Variants in FDXACB1 observed in about 807,000 individuals in gnomAD.
The protein encoded by FDXACB1 is ferredoxin-fold anticodon-binding domain-containing protein 1.
Under a neutral mutation model 51.7 loss-of-function variants are expected in FDXACB1, and 41 were observed. The ratio of observed to expected loss-of-function variants is 0.79; its 90% confidence interval spans 0.62 to 1.03. FDXACB1 has a LOEUF of 1.03. Among genes scored for constraint, FDXACB1 ranks in the 50% least tolerant of loss-of-function variants. The pLI, the probability that FDXACB1 is intolerant of heterozygous loss-of-function variation, is 0.00. For missense variants in FDXACB1, 697 were observed against 746.4 expected (o/e 0.93, Z 0.77); for synonymous variants, 273 against 278.6 (o/e 0.98, Z 0.20).
chr11:111,877,488 A>G (rs1964839587), intron 2 of FDXACB1, among the ~76,000 whole-genome samples: 1 of 151,102 alleles, frequency 6.6e-6, no homozygotes, highest in African/African-American at 2.4e-5. Context: ...TCAGTTCACA[A>G]TAATTTTATG....
At chr11:111,878,214 TA>T (rs1297054303) in intron 2 of FDXACB1, among the ~76,000 whole-genome samples, 5 of 151,910 alleles carry the variant, frequency 3.3e-5, no homozygotes, top group African/African-American at 1.2e-4. Context: ...TAAATAAAAA[TA>T]AAAAAATAAC....
rs782188535 is a variant in FDXACB1 at position 111,875,620 on chromosome 11, T to C, written c.1177A>G (p.Thr393Ala). 3.7e-6 allele frequency: 6 copies of C among 1,612,900 alleles called. No individual in the cohort carries two copies. Among genetic ancestry groups the C allele is most frequent in the Non-Finnish European group, 5.1e-6 (6 of 1,179,766 alleles). Residue 393 changes from threonine (T) to alanine (A), a missense_variant, in exon 5 of 5, where the codon ACT becomes GCT. Around this residue, in one of 3 missense-constraint regions of FDXACB1, gnomAD observed 538 missense variants for 592.2 expected, o/e 0.91. Coordinates refer to ENST00000260257, the MANE Select transcript of FDXACB1 (RefSeq NM_138378.3). ...LPFTMPAFHE[T>A]LFILGVNQNL... is the part of the protein sequence containing the mutation. ...TGATTAACCCCAAGGATAAATAAAG[T>C]TTCATGAAATGCTGGCATTGTGAAA...
In FDXACB1 at chr11:111,875,119, G is replaced by A. The variant is rs373615647; in HGVS notation, c.1678C>T (p.Arg560Ter). 80 of 1,613,682 alleles carry A rather than the reference G, an allele frequency of 5.0e-5. No homozygotes were observed. The highest frequency in any genetic ancestry group is 4.9e-4 in the Middle Eastern group (3 of 6,084). Reference protein sequence around the residue: ...FDELEFHTVARAVSQDTIISI... With the variant: ...FDELEFHTVA Reference sequence around the variant, plus strand: ...ATAATAGTGTCCTGAGACACTGCTCGGGCCACAGTGTGAAACTCTAGTTCA... The same window carrying A: ...ATAATAGTGTCCTGAGACACTGCTCAGGCCACAGTGTGAAACTCTAGTTCA... The change falls in exon 5 of 5, where the codon CGA becomes TGA. Residue 560 changes from arginine to a stop codon, truncating the protein, a stop_gained. Transcript: ENST00000260257. LOFTEE classifies it high-confidence loss of function.
In FDXACB1 at chr11:111,874,208, A is replaced by AATT. The variant is rs1434494285; in HGVS notation, c.*713_*714insAAT. 2.0e-5 allele frequency: 3 copies of AATT among 152,198 alleles called. No individual in the cohort carries two copies. The highest frequency in any genetic ancestry group is 7.2e-5 in the African/African-American group (3 of 41,440). 9.4% of individuals were successfully genotyped at this position (152,198 alleles called of 1,614,324 possible). A position where few individuals can be genotyped will look rare whatever the true frequency, so the allele number is the denominator to read the frequency against. ...GTCTGATGCCAAAAACTACTCTCAT[A>AATT]AGGTGATTTAATGAAATGATACAAC... is the stretch of plus-strand genomic sequence containing the variant. On this transcript the variant is annotated 3_prime_UTR_variant, in exon 5 of 5. Coordinates refer to ENST00000260257, the MANE Select transcript of FDXACB1 (RefSeq NM_138378.3).
chr11:111,879,123 G>A lies in FDXACB1; in HGVS notation c.10C>T (p.Arg4Trp), dbSNP rs199757538. MAP[R>W]RLLLVGEGNF... ...CCCTCCCCAACCAACAGGAGGCGCCGAGGGGCCATGGCCTCCACGGACTCC... is the reference window on the plus strand; with the variant it reads ...CCCTCCCCAACCAACAGGAGGCGCCAAGGGGCCATGGCCTCCACGGACTCC... Residue 4 changes from arginine (R) to tryptophan (W), a missense_variant, in exon 1 of 5, where the codon CGG (arginine) becomes TGG (tryptophan). Physicochemically the swap from Arg to Trp is moderately radical, Grantham distance 101. Transcript: ENST00000260257. 3 of 1,612,058 alleles carry A rather than the reference G, an allele frequency of 1.9e-6. No homozygotes were observed. The highest frequency in any genetic ancestry group is 1.7e-6 in the Non-Finnish European group (2 of 1,178,848).
chr11:111,878,829 C>T (rs1964880286), intron 1 of FDXACB1, 117 bp from the exon 2 acceptor site: 6 of 1,505,394 alleles, frequency 4.0e-6, no homozygotes, highest in African/African-American at 1.4e-5. Flanking sequence ...GGCACAAAGC[C>T]GGCTTTATGT....
In FDXACB1 at chr11:111,875,013, C is replaced by T; in HGVS notation, c.1784G>A (p.Cys595Tyr). Residue 595 changes from cysteine to tyrosine, a missense_variant, in exon 5 of 5, where the codon TGT becomes TAT. Cys to Tyr is a radical substitution (Grantham distance 194). This residue lies in a region of FDXACB1 where 538 missense variants were observed against 592.2 expected (regional missense o/e 0.91). Transcript: ENST00000260257. ...TTGCTGCTGGGTGAGGGCCTTGTCA[C>T]AGGTCTGGTAGGTCAATCTATAGCA... is the stretch of plus-strand genomic sequence containing the variant. ...SLCYRLTYQTCDKALTQQQVA... is the reference protein window; with the variant it reads ...SLCYRLTYQTYDKALTQQQVA... 1 of 1,613,962 alleles carries T rather than the reference C, an allele frequency of 6.2e-7. No homozygotes were observed. Among genetic ancestry groups the T allele is most frequent in the Non-Finnish European group, 8.5e-7 (1 of 1,179,878 alleles).
intron 4 of FDXACB1, 151 bp downstream of exon 4, chr11:111,876,330 C>G: frequency 9.5e-7 from 1 of 1,055,854 alleles, no homozygotes; most frequent in Non-Finnish European, 1.4e-6. Context: ...ATTTATAATT[C>G]TAGAGATGCT....
Position 111,875,878 on chromosome 11 carries a change from T to TC in FDXACB1, c.918dup (p.Thr307AspfsTer16), listed in dbSNP as rs782556237. On this transcript the variant is annotated frameshift_variant, in exon 5 of 5. Transcript: ENST00000260257. LOFTEE classifies it high-confidence loss of function. ...AGAAAGTCTTCCACATCTTGTGATG[T>TC]CCCACCAGTCAGGGACTCAGAATTT... The TC allele has an allele frequency of 6.2e-7, 1 of 1,613,852 alleles. No homozygotes were observed. Among genetic ancestry groups the TC allele is most frequent in the Admixed American group, 1.7e-5 (1 of 60,014 alleles).
At position 111,875,313 on chromosome 11, in the gene FDXACB1, G is replaced by C. The variant is rs377348351; in HGVS notation, c.1484C>G (p.Ala495Gly). 9.3e-6 allele frequency: 15 copies of C among 1,613,704 alleles called. No homozygotes were observed. The highest frequency in any genetic ancestry group is 1.2e-5 in the Non-Finnish European group (14 of 1,179,876). ...VFVSMNLDLL[A>G]MLVWCISDWR... ...GTCAGAGATACACCAGACAAGCATG[G>C]CTAATAAGTCCAAGTTCATAGACAC... Residue 495 changes from alanine to glycine, a missense_variant, in exon 5 of 5, where the codon GCC becomes GGC. By Grantham distance (60) the Ala-to-Gly change is moderately conservative. Around this residue, in one of 3 missense-constraint regions of FDXACB1, gnomAD observed 538 missense variants for 592.2 expected, o/e 0.91. Transcript: ENST00000260257.
Position 111,875,886 on chromosome 11 carries a change from G to A in FDXACB1, c.911C>T (p.Thr304Ile), listed in dbSNP as rs782224550. The change falls in exon 5 of 5, where the codon ACT becomes ATT. Residue 304 changes from threonine (T) to isoleucine (I), a missense_variant. By Grantham distance (89) the Thr-to-Ile change is moderately conservative. Around this residue, in one of 3 missense-constraint regions of FDXACB1, gnomAD observed 538 missense variants for 592.2 expected, o/e 0.91. Transcript: ENST00000260257. Reference sequence around the variant, plus strand: ...TTCCACATCTTGTGATGTCCCACCAGTCAGGGACTCAGAATTTGAGTTATC... The same window carrying A: ...TTCCACATCTTGTGATGTCCCACCAATCAGGGACTCAGAATTTGAGTTATC... ...HEDNSNSESL[T>I]GGTSQDVEDF... The A allele has an allele frequency of 7.4e-6, 12 of 1,613,724 alleles. No individual in the cohort carries two copies. In the African/African-American group the frequency reaches 1.6e-4, roughly 22 times the overall value.
chr11:111,878,567 T>C lies in FDXACB1; in HGVS notation c.318A>G (p.Lys106=). ...GCTCCTTTCCTCACCTTTGGAAAAA[T>C]TTGGCAAGCAGTTCCCTGTTCTTAG... ...GVAKNRELLA[K]FFQSCADVLA... is the part of the protein sequence containing the mutation. The change falls in exon 2 of 5, where the codon AAA becomes AAG. Residue 106 remains lysine (K), a synonymous_variant. Coordinates refer to ENST00000260257, the MANE Select transcript of FDXACB1 (RefSeq NM_138378.3). 1 of 1,592,480 alleles carries C rather than the reference T, an allele frequency of 6.3e-7. No individual in the cohort carries two copies. Among genetic ancestry groups the C allele is most frequent in the Non-Finnish European group, 8.6e-7 (1 of 1,169,102 alleles).
chr11:111,875,681 G>A lies in FDXACB1; in HGVS notation c.1116C>T (p.Leu372=). 1 of 1,613,584 alleles carries A rather than the reference G, an allele frequency of 6.2e-7. No individual in the cohort carries two copies. The highest frequency in any genetic ancestry group is 1.1e-5 in the South Asian group (1 of 91,068). The change falls in exon 5 of 5, where the codon CTC becomes CTT. Residue 372 remains leucine, a synonymous_variant. Transcript: ENST00000260257. ...PDFLSGSLHI[L]SGPVFQKCHI... is the part of the protein sequence containing the mutation. ...GGCACTTCTGAAAGACAGGTCCACT[G>A]AGGATGTGCAGAGAACCTGAGAGGA...
rs782147764 is a variant in FDXACB1 at position 111,875,898 on chromosome 11, G to A, written c.899C>T (p.Ser300Phe). 1.9e-6 allele frequency: 3 copies of A among 1,613,744 alleles called. No individual in the cohort carries two copies. Among genetic ancestry groups the A allele is most frequent in the Admixed American group, 1.7e-5 (1 of 60,004 alleles). ...TGATGTCCCACCAGTCAGGGACTCA[G>A]AATTTGAGTTATCTTCATGGAGACT... ...WISLHEDNSN[S>F]ESLTGGTSQD... Residue 300 changes from serine to phenylalanine, a missense_variant, in exon 5 of 5, where the codon TCT becomes TTT. Physicochemically the swap from Ser to Phe is radical, Grantham distance 155. Around this residue, in one of 3 missense-constraint regions of FDXACB1, gnomAD observed 538 missense variants for 592.2 expected, o/e 0.91. Coordinates refer to ENST00000260257, the MANE Select transcript of FDXACB1 (RefSeq NM_138378.3).
chr11:111,877,039 A>C, intron 2 of FDXACB1, 28 bp from the exon 3 acceptor site: 2 of 1,548,630 alleles, frequency 1.3e-6, no homozygotes, highest in East Asian at 4.8e-5. Context: ...AACACTAACT[A>C]ATTATCATAA....
At chr11:111,878,840 G>A (rs1964880553) in intron 1 of FDXACB1, 121 bp downstream of exon 1, 12 of 1,508,232 alleles carry the variant, frequency 8.0e-6, no homozygotes, top group Non-Finnish European at 9.8e-6. Context: ...GGCTTTATGT[G>A]AATATCCGTG....
At position 111,879,104 on chromosome 11, in the gene FDXACB1, C is replaced by T. The variant is rs1251927299; in HGVS notation, c.29G>A (p.Gly10Glu). ...GGCGGCGAAGGAGAAATTCCCCTCC[C>T]CAACCAACAGGAGGCGCCGAGGGGC... MAPRRLLLV[G>E]EGNFSFAAAL... The change falls in exon 1 of 5, where the codon GGG (glycine) becomes GAG (glutamate). Residue 10 changes from glycine to glutamate, a missense_variant. Coordinates refer to ENST00000260257, the MANE Select transcript of FDXACB1 (RefSeq NM_138378.3). The T allele has an allele frequency of 5.6e-6, 9 of 1,612,844 alleles. No individual in the cohort carries two copies. The African/African-American group carries it at 8.0e-5, about 14-fold the overall frequency.
Position 111,876,836 on chromosome 11 carries a change from C to T in FDXACB1, c.505G>A (p.Val169Met). ...SDVYPFSCKA[V>M]AGYKCTGYRS... ...TATCCAGTGCACTTGTACCCTGCCA[C>T]AGCCTTACAGCTGAATGGATACACG... The change falls in exon 3 of 5, where the codon GTG becomes ATG. Residue 169 changes from valine to methionine, a missense_variant. This residue lies in a region of FDXACB1 where 538 missense variants were observed against 592.2 expected (regional missense o/e 0.91). Transcript: ENST00000260257. The T allele has an allele frequency of 6.2e-7, 1 of 1,613,968 alleles. No individual in the cohort carries two copies. The highest frequency in any genetic ancestry group is 8.5e-7 in the Non-Finnish European group (1 of 1,179,880).
rs185118320 is a variant in FDXACB1, at chr11:111,877,630, C to T, written c.330-619G>A. ...CTCCCAAGTTCAAGCGATTCTCCTGCCTCAGCCTCCCAAGTACCTGGGACT... is the reference window on the plus strand; with the variant it reads ...CTCCCAAGTTCAAGCGATTCTCCTGTCTCAGCCTCCCAAGTACCTGGGACT... On this transcript the variant is annotated intron_variant, in intron 2 of 4. Coordinates refer to ENST00000260257, the MANE Select transcript of FDXACB1 (RefSeq NM_138378.3). 6.7e-3 allele frequency among the ~76,000 whole-genome samples: 1,006 copies of T among 151,174 alleles called. 6 individuals carry two copies. Among genetic ancestry groups the T allele is most frequent in the Middle Eastern group, 0.051 (15 of 292 alleles).
Sources: allele counts gnomAD v4.1 joint callset (sites outside exome capture counted in the v4.1 genomes callset), GRCh38; gene constraint gnomAD v4.1.1; regional missense constraint gnomAD v4.1.1; transcripts MANE v1.5; gene names NCBI Gene and HGNC (gene_info 2026-07-23, HGNC 2026-07-21).